CYYR1: variants seen among roughly 807,000 people sequenced by gnomAD.
The protein encoded by CYYR1 is cysteine and tyrosine rich 1.
CYYR1 carries 14 observed loss-of-function variants against 15.2 expected under a neutral mutation model. The observed-to-expected ratio is 0.92, with a 90% CI of 0.61 to 1.44. CYYR1 has a LOEUF of 1.44. Among genes scored for constraint, CYYR1 ranks in the 40% most tolerant of loss-of-function variants. CYYR1 has a pLI of 0.00. For missense variants in CYYR1, 228 were observed against 209.5 expected (o/e 1.09, Z -0.54); for synonymous variants, 80 against 77.4 (o/e 1.03, Z -0.18).
intron 2 of CYYR1, among the ~76,000 whole-genome samples, chr21:26,542,758 C>A (rs1182889475): frequency 1.3e-5 from 2 of 151,926 alleles, no homozygotes; most frequent in Non-Finnish European, 2.9e-5. Context: ...ACTAGATGTA[C>A]AAAGTGAATT....
intron 2 of CYYR1, among the ~76,000 whole-genome samples, chr21:26,554,858 C>G (rs1429739105): frequency 1.3e-5 from 2 of 152,116 alleles, no homozygotes; most frequent in Non-Finnish European, 2.9e-5. Context: ...CTCAACCTTC[C>G]AAGTAGCTGG....
Position 26,468,588 on chromosome 21 carries a change from T to C in CYYR1, c.381A>G (p.Ala127=). The change falls in exon 4 of 4, where the codon GCA becomes GCG. Residue 127 remains alanine (A), a synonymous_variant. Coordinates refer to ENST00000652641, the MANE Select transcript of CYYR1 (RefSeq NM_001320768.2). ...TGGGGGAGTATGGAGGAGGCAAGTC[T>C]GCACAGTATTCCATCTCGTGGTCGT... ...YGHDHEMEYC[A]DLPPPYSPTP... is the part of the protein sequence containing the mutation. 1 of 1,613,308 alleles carries C rather than the reference T, an allele frequency of 6.2e-7. No homozygotes were observed. Among genetic ancestry groups the C allele is most frequent in the South Asian group, 1.1e-5 (1 of 90,980 alleles).
In CYYR1 at chr21:26,484,620, CAG is replaced by C. The variant is rs2065227628; in HGVS notation, c.177-4193_177-4192del. On this transcript the variant is annotated intron_variant, in intron 2 of 3. Transcript: ENST00000652641. ...TGGAAACTTCCTTTATTGTAAGTTT[CAG>C]GTCCAAATAAGATTAAACTGGAGGA... Among the ~76,000 whole-genome samples, 5 of 152,150 alleles carry C rather than the reference CAG, an allele frequency of 3.3e-5. No individual in the cohort carries two copies. The South Asian group carries it at 1.0e-3, about 32-fold the overall frequency.
intron 2 of CYYR1, among the ~76,000 whole-genome samples, chr21:26,501,106 A>G (rs1168776341): frequency 6.6e-6 from 1 of 152,178 alleles, no homozygotes; most frequent in Non-Finnish European, 1.5e-5. Context: ...TTGGGAGGCC[A>G]AGGCAGGCAG....
At chr21:26,519,229 G>A (rs2065772085) in intron 2 of CYYR1, among the ~76,000 whole-genome samples, 2 of 152,120 alleles carry the variant, frequency 1.3e-5, no homozygotes. Context: ...TCCTGGAGGG[G>A]CGGGGGAACA....
At chr21:26,542,494 G>T (rs2123653140) in intron 2 of CYYR1, among the ~76,000 whole-genome samples, 1 of 152,148 alleles carries the variant, frequency 6.6e-6, no homozygotes, top group South Asian at 2.1e-4. Context: ...ATTAGGAACA[G>T]AAAGAAATTT....
intron 2 of CYYR1, chr21:26,551,694 G>C (rs1022766739): frequency 5.5e-6 from 1 of 181,432 alleles, no homozygotes; most frequent in Non-Finnish European, 1.2e-5. Context: ...GAACATAACA[G>C]CAGTTAATTC....
At chr21:26,566,617 G>C (rs980082907) in intron 1 of CYYR1, among the ~76,000 whole-genome samples, 2 of 152,190 alleles carry the variant, frequency 1.3e-5, no homozygotes, top group Admixed American at 6.5e-5. Flanking sequence ...TACCAGTCAG[G>C]GTTAGTGGAA....
chr21:26,504,050 G>GGA (rs1040292294), intron 2 of CYYR1, among the ~76,000 whole-genome samples: 6 of 152,096 alleles, frequency 3.9e-5, no homozygotes, highest in African/African-American at 1.4e-4. Flanking sequence ...GTGGATGAGA[G>GGA]GAGACATGAT....
intron 2 of CYYR1, among the ~76,000 whole-genome samples, chr21:26,499,906 G>T (rs547334326): frequency 3.3e-5 from 5 of 152,052 alleles, no homozygotes; most frequent in African/African-American, 9.6e-5. Flanking sequence ...GCTTGATTGG[G>T]GAAATTTATA....
intron 2 of CYYR1, among the ~76,000 whole-genome samples, chr21:26,481,100 C>G (rs989309533): frequency 1.3e-5 from 2 of 151,926 alleles, no homozygotes; most frequent in South Asian, 2.1e-4. Context: ...GAAAAAAAAG[C>G]CGAATAGCAG....
chr21:26,573,155 C>A lies in CYYR1; in HGVS notation c.-215G>T. ...TCCGCGGAGCTGGGGCGCCCGTGGC[C>A]CGAGACGGGCTGCGCTGGGGGCCCA... is the stretch of plus-strand genomic sequence containing the variant. On this transcript the variant is annotated 5_prime_UTR_variant, in exon 1 of 4. Transcript: ENST00000652641. 6.7e-7 allele frequency: 1 copy of A among 1,487,642 alleles called. No homozygotes were observed. Among genetic ancestry groups the A allele is most frequent in the East Asian group, 2.6e-5 (1 of 37,938 alleles). The allele number at this position is 1,487,642 out of a possible 1,614,324, so 92.2% of individuals were successfully genotyped here.
chr21:26,517,597 C>A (rs1202630785), intron 2 of CYYR1, among the ~76,000 whole-genome samples: 1 of 152,092 alleles, frequency 6.6e-6, no homozygotes, highest in African/African-American at 2.4e-5. Context: ...GCTTTGTTGT[C>A]CAGGCTGGAG....
intron 2 of CYYR1, among the ~76,000 whole-genome samples, chr21:26,529,051 T>C (rs1423104214): frequency 6.6e-6 from 1 of 152,232 alleles, no homozygotes; most frequent in Non-Finnish European, 1.5e-5. Flanking sequence ...TTCCTTGTGA[T>C]GACTCTTACA....
intron 2 of CYYR1, among the ~76,000 whole-genome samples, chr21:26,535,415 A>G (rs932442786): frequency 8.3e-4 from 127 of 152,134 alleles, no homozygotes; most frequent in African/African-American, 3.0e-3. Context: ...TGTGGGCAAA[A>G]AGGGGGAGAG....
intron 1 of CYYR1, chr21:26,568,435 A>G (rs966205352): frequency 7.2e-5 from 11 of 152,196 alleles, no homozygotes; most frequent in African/African-American, 2.4e-4. Context: ...CTGGACTCCT[A>G]TCTTTTACCA....
At chr21:26,477,273 A>G (rs1423659801) in intron 3 of CYYR1, among the ~76,000 whole-genome samples, 1 of 152,184 alleles carries the variant, frequency 6.6e-6, no homozygotes, top group Non-Finnish European at 1.5e-5. Flanking sequence ...CAATAGTATT[A>G]TGTGTTGCTT....
chr21:26,532,273 G>T (rs985849049), intron 2 of CYYR1, among the ~76,000 whole-genome samples: 1 of 152,186 alleles, frequency 6.6e-6, no homozygotes, highest in African/African-American at 2.4e-5. Flanking sequence ...CTGCAGAAAA[G>T]GTGCCTATAG....
intron 3 of CYYR1, among the ~76,000 whole-genome samples, chr21:26,476,582 TATC>T (rs200254462): frequency 0.017 from 2,182 of 126,554 alleles, 58 homozygotes; most frequent in African/African-American, 0.072. Flanking sequence ...CTACCCTATC[TATC>T]ATCTATCTAT....
Sources: allele counts gnomAD v4.1 joint callset (sites outside exome capture counted in the v4.1 genomes callset), GRCh38; gene constraint gnomAD v4.1.1; transcripts MANE v1.5; gene names NCBI Gene and HGNC (gene_info 2026-07-23, HGNC 2026-07-21).